SBF2: variants seen among roughly 807,000 people sequenced by gnomAD.
SBF2 encodes the protein myotubularin-related protein 13.
In SBF2, 112 loss-of-function variants were observed where a neutral mutation model predicts 225.2. That is an observed-to-expected ratio of 0.50 (90% CI 0.43 to 0.58). The LOEUF (loss-of-function observed/expected upper bound fraction) is 0.58. Among genes scored for constraint, SBF2 ranks in the 20% least tolerant of loss-of-function variants. The pLI is 0.00. For missense variants in SBF2, 1,996 were observed against 2,206.2 expected (o/e 0.90, Z 1.91); for synonymous variants, 763 against 773.3 (o/e 0.99, Z 0.22).
rs759323250 is a variant in SBF2, at chr11:9,998,278, T to C, written c.963A>G (p.Ser321=). ...LPEPLLHQTQ[S]ALSLILHPDL... ...AAATATGTCATACCAAAGAAAGAGCTGATTGAGTCTGATGTAGAAGTGGTT... is the reference window on the plus strand; with the variant it reads ...AAATATGTCATACCAAAGAAAGAGCCGATTGAGTCTGATGTAGAAGTGGTT... Residue 321 remains serine (S), a synonymous_variant, in exon 9 of 40, where the codon TCA becomes TCG. Coordinates refer to ENST00000256190, the MANE Select transcript of SBF2 (RefSeq NM_030962.4). The C allele has an allele frequency of 1.1e-5, 17 of 1,576,834 alleles. No individual in the cohort carries two copies. The highest frequency in any genetic ancestry group is 7.8e-5 in the South Asian group (7 of 89,970).
At chr11:10,278,051 G>C (rs1042015879) in intron 1 of SBF2, among the ~76,000 whole-genome samples, 1 of 152,110 alleles carries the variant, frequency 6.6e-6, no homozygotes, top group Non-Finnish European at 1.5e-5. Context: ...CCCTGCAATA[G>C]TATTAATTTT....
intron 1 of SBF2, among the ~76,000 whole-genome samples, chr11:10,292,109 A>ATT (rs1236334813): frequency 6.6e-6 from 1 of 152,238 alleles, no homozygotes; most frequent in Non-Finnish European, 1.5e-5. Flanking sequence ...TGCAACACAT[A>ATT]TTGCTAAACT....
intron 2 of SBF2, among the ~76,000 whole-genome samples, chr11:10,085,736 T>C (rs969752050): frequency 2.0e-4 from 31 of 152,212 alleles, no homozygotes; most frequent in African/African-American, 7.5e-4. Flanking sequence ...ACTGTTTTAA[T>C]GGCTCGTTTT....
At chr11:10,064,058 G>C (rs577934098) in intron 2 of SBF2, among the ~76,000 whole-genome samples, 5 of 152,050 alleles carry the variant, frequency 3.3e-5, no homozygotes, top group African/African-American at 1.2e-4. Context: ...TAACTACATG[G>C]GTAAATGCAT....
chr11:10,162,685 T>C (rs775159992), intron 2 of SBF2, among the ~76,000 whole-genome samples: 2 of 152,182 alleles, frequency 1.3e-5, no homozygotes, highest in Admixed American at 6.5e-5. Context: ...AGCATCCTTA[T>C]CTGGCATGCA....
chr11:10,020,208 GGTGA>G (rs764062927), intron 6 of SBF2, among the ~76,000 whole-genome samples: 27 of 152,160 alleles, frequency 1.8e-4, no homozygotes, highest in Non-Finnish European at 3.7e-4. Context: ...TCAGGAGTTG[GGTGA>G]GTGAGCTCAC....
intron 32 of SBF2, among the ~76,000 whole-genome samples, chr11:9,806,879 G>A (rs780881775): frequency 3.9e-5 from 6 of 152,092 alleles, no homozygotes; most frequent in African/African-American, 1.4e-4. Flanking sequence ...CTTTAAATAG[G>A]TGAATTGTAT....
In SBF2 at chr11:9,992,502, G is replaced by A. The variant is rs1947482442; in HGVS notation, c.1209C>T (p.Phe403=). 2 of 1,613,082 alleles carry A rather than the reference G, an allele frequency of 1.2e-6. No individual in the cohort carries two copies. Among genetic ancestry groups the A allele is most frequent in the Non-Finnish European group, 1.7e-6 (2 of 1,179,434 alleles). Residue 403 remains phenylalanine (F), a synonymous_variant, in exon 12 of 40, where the codon TTC becomes TTT. Coordinates refer to ENST00000256190, the MANE Select transcript of SBF2 (RefSeq NM_030962.4). ...CCATTCCACTGAGTACTTTAGTGAG[G>A]AAATCATTCTCGACCAAACCACGCT... ...LGQRGLVEND[F]LTKVLSGMAF... is the part of the protein sequence containing the mutation.
chr11:10,293,213 T>G (rs1474297907), intron 1 of SBF2, among the ~76,000 whole-genome samples: 2 of 152,266 alleles, frequency 1.3e-5, no homozygotes, highest in African/African-American at 4.8e-5. Context: ...TAAACGTGCA[T>G]GAACCCTGAA....
chr11:10,195,732 T>C (rs1054455864), intron 1 of SBF2, among the ~76,000 whole-genome samples: 8 of 152,194 alleles, frequency 5.3e-5, no homozygotes, highest in Non-Finnish European at 8.8e-5. Context: ...CTCAGAACTG[T>C]ATTCTGAAAC....
At chr11:10,161,929 G>A (rs368933763) in intron 2 of SBF2, among the ~76,000 whole-genome samples, 2 of 152,208 alleles carry the variant, frequency 1.3e-5, no homozygotes, top group East Asian at 3.8e-4. Flanking sequence ...AGCCTGTGGT[G>A]TCCTGTGATT....
chr11:10,244,655 C>T (rs939158931), intron 1 of SBF2, among the ~76,000 whole-genome samples: 5 of 152,002 alleles, frequency 3.3e-5, no homozygotes, highest in Admixed American at 2.6e-4. Flanking sequence ...GTAAAAAATG[C>T]CAATGGGATT....
intron 2 of SBF2, among the ~76,000 whole-genome samples, chr11:10,105,917 C>T (rs1952527337): frequency 6.6e-6 from 1 of 152,156 alleles, no homozygotes; most frequent in Non-Finnish European, 1.5e-5. Flanking sequence ...AGGGAGATTA[C>T]CAAGGGGCAA....
chr11:9,819,085 T>C (rs893659614), intron 28 of SBF2: 3 of 152,218 alleles, frequency 2.0e-5, no homozygotes, highest in Non-Finnish European at 4.4e-5. Context: ...TTAATTTTTT[T>C]GTAAATGGAA....
chr11:9,793,650 C>CA (rs34006556), intron 33 of SBF2, among the ~76,000 whole-genome samples: 53,230 of 151,766 alleles, frequency 0.35, 10,336 homozygotes, highest in Non-Finnish European at 0.44. Context: ...TTGGCCTCCT[C>CA]AAAGTGCTGG....
intron 2 of SBF2, among the ~76,000 whole-genome samples, chr11:10,125,934 C>G (rs1953731745): frequency 2.0e-5 from 3 of 152,240 alleles, no homozygotes; most frequent in South Asian, 4.1e-4. Context: ...GACTGTGTTA[C>G]GGATTTAGGG....
At chr11:9,997,989 G>T (rs1947782424) in intron 9 of SBF2, among the ~76,000 whole-genome samples, 1 of 152,148 alleles carries the variant, frequency 6.6e-6, no homozygotes. Flanking sequence ...GTTTTCAAAG[G>T]TGAATTTCCA....
intron 13 of SBF2, among the ~76,000 whole-genome samples, chr11:9,979,790 A>G (rs1464857762): frequency 6.6e-6 from 1 of 152,008 alleles, no homozygotes; most frequent in East Asian, 1.9e-4. Context: ...TAAGTAATTT[A>G]AAATTGAAAT....
chr11:9,813,996 G>A (rs1036029151), intron 29 of SBF2, among the ~76,000 whole-genome samples: 4 of 151,720 alleles, frequency 2.6e-5, no homozygotes, highest in Non-Finnish European at 4.4e-5. Flanking sequence ...TTCTATCTTT[G>A]GGATAATATT....
Sources: allele counts gnomAD v4.1 joint callset (sites outside exome capture counted in the v4.1 genomes callset), GRCh38; gene constraint gnomAD v4.1.1; transcripts MANE v1.5; gene names NCBI Gene and HGNC (gene_info 2026-07-23, HGNC 2026-07-21).